Variants in SDSL observed in about 807,000 individuals in gnomAD.
The protein encoded by SDSL is serine dehydratase-like.
SDSL carries 26 observed loss-of-function variants against 27.6 expected under a neutral mutation model. The ratio of observed to expected loss-of-function variants is 0.94; its 90% confidence interval spans 0.69 to 1.31. SDSL has a LOEUF of 1.31. SDSL is among the 50% of genes most tolerant of loss of function. The pLI, the probability that SDSL is intolerant of heterozygous loss-of-function variation, is 0.00. For missense variants in SDSL, 431 were observed against 423.5 expected, an observed-to-expected ratio of 1.02 and a Z score of -0.16; for synonymous variants, 196 against 180.6, an observed-to-expected ratio of 1.09 and a Z score of -0.69.
chr12:113,425,300 C>G (rs1471773856), intron 1 of SDSL, among the ~76,000 whole-genome samples: 2 of 152,048 alleles, frequency 1.3e-5, no homozygotes, highest in African/African-American at 4.8e-5. Flanking sequence ...CCCTGATGCC[C>G]GAAGCTGAGA....
At chr12:113,424,745 T>G (rs1249074393) in intron 1 of SDSL, among the ~76,000 whole-genome samples, 1 of 151,964 alleles carries the variant, frequency 6.6e-6, no homozygotes, top group Admixed American at 6.6e-5. Context: ...CTCTCTCTTT[T>G]TTTTTTTTTA....
At chr12:113,425,748 T>C (rs1438212982) in intron 1 of SDSL, 4 of 455,606 alleles carry the variant, frequency 8.8e-6, no homozygotes, top group African/African-American at 2.0e-5. Flanking sequence ...GTCCCAGCAC[T>C]TCGGGAGGCC....
chr12:113,422,915 G>A (rs931393347), intron 1 of SDSL: 8 of 152,314 alleles, frequency 5.3e-5, no homozygotes, highest in African/African-American at 1.9e-4. Flanking sequence ...AAGTGACTTG[G>A]CCAAGGTTGG....
At chr12:113,436,977 A>G in intron 7 of SDSL, 102 bp downstream of exon 7, 1 of 1,237,134 alleles carries the variant, frequency 8.1e-7, no homozygotes. Flanking sequence ...AGCACCAGGC[A>G]CTGGCTAGGT....
rs151236519 is a variant in SDSL at position 113,437,615 on chromosome 12, G to A, written c.797-271G>A. Among the ~76,000 whole-genome samples, 691 of 152,256 alleles carry A rather than the reference G, an allele frequency of 4.5e-3. 2 individuals carry two copies. Among genetic ancestry groups the A allele is most frequent in the Admixed American group, 7.8e-3 (120 of 15,292 alleles). On this transcript the variant is annotated intron_variant, in intron 7 of 7. Coordinates refer to ENST00000403593, the MANE Select transcript of SDSL (RefSeq NM_001304993.2). ...TGGATGGATGGATATGTTGATGGATGGGTACACTGATGGATGGACAGATAG... is the reference window on the plus strand; with the variant it reads ...TGGATGGATGGATATGTTGATGGATAGGTACACTGATGGATGGACAGATAG...
Position 113,427,961 on chromosome 12 carries a change from G to A in SDSL, c.-21-1G>A, listed in dbSNP as rs11066560. The A allele has an allele frequency of 6.2e-7, 1 of 1,600,278 alleles. No homozygotes were observed. The highest frequency in any genetic ancestry group is 2.3e-5 in the East Asian group (1 of 44,396). ...GGTGGTGACTTTGTGTCCTCCTGCA[G>A]GCTGTCTACCTGGTCTCCAGAATGG... On this transcript the variant is annotated splice_acceptor_variant, in intron 1 of 7. Transcript: ENST00000403593. LOFTEE classifies it low-confidence loss of function (5UTR_SPLICE).
intron 4 of SDSL, among the ~76,000 whole-genome samples, chr12:113,431,279 C>T (rs1957918211): frequency 1.3e-5 from 2 of 152,138 alleles, no homozygotes; most frequent in African/African-American, 4.8e-5. Flanking sequence ...TGTGTTTCCA[C>T]CTGAGAGCAC....
chr12:113,425,805 T>C (rs923481685), intron 1 of SDSL: 10 of 440,920 alleles, frequency 2.3e-5, no homozygotes, highest in Non-Finnish European at 3.6e-5. Context: ...CCAGCCAACA[T>C]GGTGAAACCC....
intron 6 of SDSL, 142 bp from the exon 7 acceptor site, chr12:113,436,609 A>G (rs1169443331): frequency 1.2e-6 from 1 of 854,518 alleles, no homozygotes; most frequent in Admixed American, 3.7e-5. Flanking sequence ...ATTTTTGAGC[A>G]CCTCCTCTGT....
intron 4 of SDSL, among the ~76,000 whole-genome samples, chr12:113,432,576 A>G (rs188474302): frequency 6.6e-5 from 10 of 152,018 alleles, no homozygotes; most frequent in African/African-American, 1.2e-4. Context: ...TCCTGACCTC[A>G]GGATCTGCCT....
intron 5 of SDSL, among the ~76,000 whole-genome samples, chr12:113,435,025 G>C (rs1436338902): frequency 6.6e-6 from 1 of 152,212 alleles, no homozygotes; most frequent in African/African-American, 2.4e-5. Flanking sequence ...TGAGGCAGGA[G>C]AATCGCTTGA....
chr12:113,437,803 G>A, intron 7 of SDSL, 83 bp from the exon 8 acceptor site: 1 of 1,242,246 alleles, frequency 8.0e-7, no homozygotes. Context: ...ATGGCTGCAA[G>A]GATCTGCCGT....
intron 4 of SDSL, among the ~76,000 whole-genome samples, chr12:113,432,274 TTCTTTC>T (rs1193791937): frequency 3.4e-5 from 3 of 89,306 alleles, no homozygotes; most frequent in African/African-American, 1.2e-4. Flanking sequence ...CTTTCTTTCT[TTCTTTC>T]TTTCTTTCTT....
At chr12:113,425,974 G>A (rs192163088) in intron 1 of SDSL, among the ~76,000 whole-genome samples, 1 of 152,192 alleles carries the variant, frequency 6.6e-6, no homozygotes, top group East Asian at 1.9e-4. Context: ...GGGCAAGAGC[G>A]AGACTCCCTT....
chr12:113,435,566 G>T lies in SDSL; in HGVS notation c.671+10G>T. 1 of 1,608,696 alleles carries T rather than the reference G, an allele frequency of 6.2e-7. No individual in the cohort carries two copies. The highest frequency in any genetic ancestry group is 8.5e-7 in the Non-Finnish European group (1 of 1,176,328). On this transcript the variant is annotated intron_variant, in intron 6 of 7. Coordinates refer to ENST00000403593, the MANE Select transcript of SDSL (RefSeq NM_001304993.2). The stretch of plus-strand genomic sequence containing the variant: ...TTCCAGACATCACCAGGTGGGTAAG[G>T]GCTGGGGACATTTGTAGGGGCTGGA...
At chr12:113,431,298 C>T (rs926964369) in intron 4 of SDSL, among the ~76,000 whole-genome samples, 1 of 152,114 alleles carries the variant, frequency 6.6e-6, no homozygotes, top group Non-Finnish European at 1.5e-5. Context: ...ACTAGGGAAG[C>T]ATGAAAGGAG....
At chr12:113,428,206 G>A in intron 2 of SDSL, 50 bp downstream of exon 2, 1 of 1,535,868 alleles carries the variant, frequency 6.5e-7, no homozygotes, top group Non-Finnish European at 8.9e-7. Context: ...CAGGAGGGAG[G>A]GAAGAGTGAG....
chr12:113,422,846 G>A (rs1297541628), intron 1 of SDSL: 1 of 152,336 alleles, frequency 6.6e-6, no homozygotes, highest in East Asian at 1.9e-4. Context: ...AAGTGAGGTG[G>A]ACAGCACTGG....
chr12:113,426,269 C>A, intron 1 of SDSL: 1 of 455,868 alleles, frequency 2.2e-6, no homozygotes, highest in Non-Finnish European at 4.4e-6. Context: ...TTCCTGTCAT[C>A]CATTTCAAAG....
Sources: allele counts gnomAD v4.1 joint callset (sites outside exome capture counted in the v4.1 genomes callset), GRCh38; gene constraint gnomAD v4.1.1; transcripts MANE v1.5; gene names NCBI Gene and HGNC (gene_info 2026-07-23, HGNC 2026-07-21).